The following CEP63 variants were observed in gnomAD, a reference collection of about 807,000 sequenced individuals.
CEP63 encodes the protein centrosomal protein 63.
In CEP63, 84 loss-of-function variants were observed where a neutral mutation model predicts 89.1. The observed-to-expected ratio is 0.94, with a 90% CI of 0.79 to 1.13. CEP63 has a LOEUF of 1.13. Among genes scored for constraint, CEP63 ranks in the 50% most tolerant of loss-of-function variants. CEP63 has a pLI of 0.00. For missense variants in CEP63, 838 were observed against 813.3 expected (o/e 1.03, Z -0.37); for synonymous variants, 267 against 272.5 (o/e 0.98, Z 0.20).
chr3:134,545,775 C>T lies in CEP63; in HGVS notation c.745C>T (p.Gln249Ter). The T allele has an allele frequency of 6.2e-7, 1 of 1,613,092 alleles. No homozygotes were observed. Among genetic ancestry groups the T allele is most frequent in the Non-Finnish European group, 8.5e-7 (1 of 1,179,768 alleles). ...GTSMTVLQEQ[Q>*]QKEEKLRESE... ...CAGTATGACTGTCCTACAGGAGCAG[C>T]AGCAAAAAGAAGAAAAATTGAGGGA... is the stretch of plus-strand genomic sequence containing the variant. Residue 249 changes from glutamine to a stop codon, truncating the protein, a stop_gained, in exon 7 of 15, where the codon CAG becomes TAG. Coordinates refer to ENST00000675561, the MANE Select transcript of CEP63 (RefSeq NM_001353108.3). LOFTEE classifies it high-confidence loss of function.
intron 11 of CEP63, 143 bp from the exon 12 acceptor site, chr3:134,551,783 A>G (rs555323895): frequency 1.2e-3 from 220 of 184,394 alleles, no homozygotes; most frequent in Middle Eastern, 4.9e-3. Flanking sequence ...ATATATATGT[A>G]TATATATATA....
At chr3:134,704,406 G>A in the CEP63 span, among the ~76,000 whole-genome samples, 1 of 152,138 alleles carries the variant, frequency 6.6e-6, no homozygotes, top group African/African-American at 2.4e-5. Context: ...TAGTAGGGGA[G>A]GGAAAGAGGG....
the CEP63 span, among the ~76,000 whole-genome samples, chr3:134,697,660 G>A: frequency 4.4e-3 from 672 of 152,218 alleles, 3 homozygotes; most frequent in African/African-American, 0.015. Flanking sequence ...CTGCTCACAG[G>A]CCTAAGCTAA....
At chr3:134,665,421 A>G in the CEP63 span, among the ~76,000 whole-genome samples, 1 of 152,216 alleles carries the variant, frequency 6.6e-6, no homozygotes, top group Admixed American at 6.5e-5. Flanking sequence ...TACCCAAGGC[A>G]GGCGGGCCCA....
intron 9 of CEP63, among the ~76,000 whole-genome samples, chr3:134,548,147 A>G (rs1030209047): frequency 6.6e-6 from 1 of 152,318 alleles, no homozygotes; most frequent in South Asian, 2.1e-4. Context: ...ATCTGGGGGA[A>G]AAACCATCCC....
At chr3:134,522,122 A>T (rs1414063735) in intron 3 of CEP63, among the ~76,000 whole-genome samples, 1 of 152,068 alleles carries the variant, frequency 6.6e-6, no homozygotes, top group Non-Finnish European at 1.5e-5. Flanking sequence ...CCTGGAGATA[A>T]TTTTTACTGC....
At chr3:134,695,515 G>C in the CEP63 span, among the ~76,000 whole-genome samples, 1 of 152,182 alleles carries the variant, frequency 6.6e-6, no homozygotes, top group African/African-American at 2.4e-5. Flanking sequence ...TGGCCCATCT[G>C]GTCTCTGTGA....
the CEP63 span, among the ~76,000 whole-genome samples, chr3:134,774,887 A>T: frequency 6.6e-6 from 1 of 152,220 alleles, no homozygotes; most frequent in East Asian, 1.9e-4. Context: ...CTTTCTCTGA[A>T]ACCTAGGAGG....
chr3:134,608,523 C>G, the CEP63 span: 1 of 1,584,946 alleles, frequency 6.3e-7, no homozygotes, highest in Non-Finnish European at 8.6e-7. Flanking sequence ...AAGCTTTGTG[C>G]TAAGCTCACA....
chr3:134,741,394 T>TA, the CEP63 span, among the ~76,000 whole-genome samples: 19 of 152,212 alleles, frequency 1.2e-4, no homozygotes, highest in African/African-American at 4.1e-4. Flanking sequence ...TTGTTAGGGG[T>TA]AGAGAGTGAG....
chr3:134,728,036 A>G, the CEP63 span, among the ~76,000 whole-genome samples: 1 of 152,200 alleles, frequency 6.6e-6, no homozygotes, highest in Non-Finnish European at 1.5e-5. Context: ...AGGCCCTAGT[A>G]GATAGATGGA....
chr3:134,669,686 G>T, the CEP63 span, among the ~76,000 whole-genome samples: 5 of 152,186 alleles, frequency 3.3e-5, no homozygotes, highest in Admixed American at 3.3e-4. Context: ...AAGCTCTTTA[G>T]CTCCATGGTT....
At chr3:134,612,965 A>G in the CEP63 span, 1 of 152,876 alleles carries the variant, frequency 6.5e-6, no homozygotes, top group African/African-American at 2.4e-5. Flanking sequence ...TGAGAATTGG[A>G]AAAAAAGCCA....
At chr3:134,693,152 A>C in the CEP63 span, among the ~76,000 whole-genome samples, 1 of 152,226 alleles carries the variant, frequency 6.6e-6, no homozygotes, top group African/African-American at 2.4e-5. Context: ...CATATAACAC[A>C]GTTCTGGACA....
chr3:134,769,512 T>A, the CEP63 span, among the ~76,000 whole-genome samples: 1,115 of 152,364 alleles, frequency 7.3e-3, 41 homozygotes, highest in Admixed American at 0.058. Context: ...GAGGCTTGGA[T>A]ATTTGTAATT....
In CEP63 at chr3:134,561,457, A is replaced by G. The variant is rs1355924770; in HGVS notation, c.2034A>G (p.Leu678=). 3 of 1,613,986 alleles carry G rather than the reference A, an allele frequency of 1.9e-6. No homozygotes were observed. Among genetic ancestry groups the G allele is most frequent in the Non-Finnish European group, 2.5e-6 (3 of 1,179,884 alleles). Residue 678 remains leucine, a synonymous_variant, in exon 15 of 15, where the codon CTA becomes CTG. Coordinates refer to ENST00000675561, the MANE Select transcript of CEP63 (RefSeq NM_001353108.3). ...AGGAACTGAGGTCTCATCACATTCTAGAGCGCTTGGATGCCCATATTGAAG... is the reference window on the plus strand; with the variant it reads ...AGGAACTGAGGTCTCATCACATTCTGGAGCGCTTGGATGCCCATATTGAAG... ...EEEELRSHHI[L]ERLDAHIEEL...
chr3:134,486,864 A>C (rs1306450724), intron 1 of CEP63: 2 of 152,284 alleles, frequency 1.3e-5, no homozygotes, highest in Non-Finnish European at 2.9e-5. Context: ...AGGGATAGAA[A>C]GAAATAAGGA....
the CEP63 span, among the ~76,000 whole-genome samples, chr3:134,682,493 G>A: frequency 6.6e-5 from 10 of 152,190 alleles, no homozygotes; most frequent in Non-Finnish European, 1.2e-4. Context: ...CAGGAATGCA[G>A]GAGGGGGAGC....
the CEP63 span, chr3:134,620,905 G>T: frequency 2.6e-6 from 3 of 1,166,300 alleles, no homozygotes; most frequent in Non-Finnish European, 3.8e-6. Flanking sequence ...AGGAGGGGCT[G>T]TTGGGGGCCC....
Sources: gnomAD v4.1 joint callset for allele counts (sites outside exome capture counted in the v4.1 genomes callset) on GRCh38, gnomAD v4.1.1 for gene constraint, MANE v1.5 for transcripts, NCBI Gene and HGNC (gene_info 2026-07-23, HGNC 2026-07-21) for gene names.